Variants in DPY19L1 observed in about 807,000 individuals in gnomAD.
DPY19L1 encodes the protein protein C-mannosyl-transferase DPY19L1.
Under a neutral mutation model 96.9 loss-of-function variants are expected in DPY19L1, and 35 were observed. That is an observed-to-expected ratio of 0.36 (90% CI 0.28 to 0.48). The LOEUF (loss-of-function observed/expected upper bound fraction) is 0.48. Among genes scored for constraint, DPY19L1 ranks in the 20% least tolerant of loss-of-function variants. The probability of loss-of-function intolerance (pLI) is 0.99; values close to 1 mark genes in which losing one functional copy is unlikely to be tolerated. For missense variants in DPY19L1, 521 were observed against 777.9 expected, an observed-to-expected ratio of 0.67 and a Z score of 3.93; for synonymous variants, 205 against 252.6, an observed-to-expected ratio of 0.81 and a Z score of 1.79.
At chr7:34,997,436 CAAAAAAAAAA>C (rs397836742) in intron 6 of DPY19L1, among the ~76,000 whole-genome samples, 16 of 91,936 alleles carry the variant, frequency 1.7e-4, no homozygotes, top group Non-Finnish European at 2.4e-4. Context: ...ACTAAAAATA[CAAAAAAAAAA>C]AAAAAAAAAA....
At chr7:34,997,752 A>G (rs1442624137) in intron 6 of DPY19L1, among the ~76,000 whole-genome samples, 1 of 152,192 alleles carries the variant, frequency 6.6e-6, no homozygotes, top group African/African-American at 2.4e-5. Context: ...GAATAAGAAA[A>G]TATCATGCAA....
At chr7:34,967,505 AC>A (rs1784636197) in intron 9 of DPY19L1, among the ~76,000 whole-genome samples, 1 of 152,202 alleles carries the variant, frequency 6.6e-6, no homozygotes, top group African/African-American at 2.4e-5. Context: ...AATTAAGAGT[AC>A]TTTCGCTGCA....
intron 13 of DPY19L1, 88 bp downstream of exon 13, chr7:34,954,610 T>C (rs544679221): frequency 4.3e-6 from 3 of 704,704 alleles, no homozygotes; most frequent in Non-Finnish European, 7.2e-6. Flanking sequence ...AGAATTTCAT[T>C]TAATAGTGAT....
At chr7:34,967,784 TTCA>T (rs1262553999) in intron 9 of DPY19L1, among the ~76,000 whole-genome samples, 2 of 152,306 alleles carry the variant, frequency 1.3e-5, no homozygotes, top group Admixed American at 6.5e-5. Context: ...TTAAGTTTCA[TTCA>T]TCAAGTTTTT....
chr7:34,994,727 C>T (rs1785246036), intron 6 of DPY19L1, among the ~76,000 whole-genome samples: 1 of 151,892 alleles, frequency 6.6e-6, no homozygotes, highest in East Asian at 1.9e-4. Flanking sequence ...TGGCGTGAAC[C>T]CAGGAGGTGG....
At chr7:34,948,809 C>T (rs1248053258) in intron 14 of DPY19L1, among the ~76,000 whole-genome samples, 1 of 152,248 alleles carries the variant, frequency 6.6e-6, no homozygotes, top group Non-Finnish European at 1.5e-5. Flanking sequence ...TTGTCAGCCA[C>T]TGTGTGTCAA....
chr7:34,950,840 C>CATAT (rs1784253574), intron 13 of DPY19L1, among the ~76,000 whole-genome samples: 1 of 151,958 alleles, frequency 6.6e-6, no homozygotes, highest in Admixed American at 6.6e-5. Context: ...TGACAATTAC[C>CATAT]ATATATGTAA....
intron 20 of DPY19L1, 189 bp downstream of exon 20, chr7:34,939,087 C>G: frequency 2.0e-6 from 1 of 490,946 alleles, no homozygotes; most frequent in East Asian, 3.3e-5. Context: ...TGTCACTTTC[C>G]TGCCCTGTGA....
intron 1 of DPY19L1, among the ~76,000 whole-genome samples, chr7:35,027,782 G>A (rs556521416): frequency 3.5e-4 from 53 of 151,984 alleles, no homozygotes; most frequent in Non-Finnish European, 6.9e-4. Flanking sequence ...AGGTTGCAGT[G>A]AGCCAAAATT....
At chr7:35,003,555 G>C (rs1346097947) in intron 6 of DPY19L1, among the ~76,000 whole-genome samples, 1 of 152,228 alleles carries the variant, frequency 6.6e-6, no homozygotes. Flanking sequence ...GTAAACAGTG[G>C]TGAATTTAGA....
chr7:34,978,575 T>G (rs1251018407), intron 7 of DPY19L1, among the ~76,000 whole-genome samples: 2 of 152,050 alleles, frequency 1.3e-5, no homozygotes, highest in Non-Finnish European at 2.9e-5. Flanking sequence ...GTTCCATTAT[T>G]TAGGAAGACC....
chr7:34,989,494 T>G (rs1266081306), intron 7 of DPY19L1, among the ~76,000 whole-genome samples: 1 of 152,090 alleles, frequency 6.6e-6, no homozygotes, highest in Non-Finnish European at 1.5e-5. Context: ...TAAGCGTCTG[T>G]AGTCCCAGCT....
intron 17 of DPY19L1, 140 bp downstream of exon 17, chr7:34,942,475 T>A: frequency 1.4e-6 from 1 of 703,922 alleles, no homozygotes; most frequent in Non-Finnish European, 2.5e-6. Flanking sequence ...CATATAGCAT[T>A]CTCATAAAAA....
intron 7 of DPY19L1, among the ~76,000 whole-genome samples, chr7:34,976,501 C>T (rs1238009870): frequency 6.6e-6 from 1 of 152,156 alleles, no homozygotes; most frequent in Non-Finnish European, 1.5e-5. Context: ...GGATTTAGAA[C>T]ATGACATAAA....
chr7:34,959,920 T>TTTAA (rs1784462779), intron 10 of DPY19L1, among the ~76,000 whole-genome samples: 1 of 33,886 alleles, frequency 3.0e-5, no homozygotes, highest in Non-Finnish European at 5.5e-5. Context: ...TATATATATA[T>TTTAA]ATATTTATAT....
At chr7:35,017,852 AC>A in intron 3 of DPY19L1, 29 bp downstream of exon 3, 1 of 1,478,790 alleles carries the variant, frequency 6.8e-7, no homozygotes, top group Non-Finnish European at 9.3e-7. Flanking sequence ...TTCCTAAAGT[AC>A]TATGATGAAA....
intron 6 of DPY19L1, among the ~76,000 whole-genome samples, chr7:34,996,651 G>A (rs1366195943): frequency 6.6e-6 from 1 of 151,922 alleles, no homozygotes; most frequent in Admixed American, 6.6e-5. Context: ...AGAGTGTGTT[G>A]TCTTTAACAA....
chr7:34,969,212 T>C (rs983714561), intron 9 of DPY19L1, among the ~76,000 whole-genome samples: 13 of 152,180 alleles, frequency 8.5e-5, no homozygotes, highest in African/African-American at 3.1e-4. Flanking sequence ...AGGAAGTAAA[T>C]AATTAACAAT....
intron 3 of DPY19L1, among the ~76,000 whole-genome samples, chr7:35,016,339 A>C (rs1785847764): frequency 6.6e-6 from 1 of 152,230 alleles, no homozygotes; most frequent in South Asian, 2.1e-4. Context: ...CCATCATATC[A>C]TAATGATACT....
Sources: gnomAD v4.1 joint callset for allele counts (sites outside exome capture counted in the v4.1 genomes callset) on GRCh38, gnomAD v4.1.1 for gene constraint, MANE v1.5 for transcripts, NCBI Gene and HGNC (gene_info 2026-07-23, HGNC 2026-07-21) for gene names.